The following TSPYL5 variants were observed in gnomAD, a reference collection of about 807,000 sequenced individuals.
TSPYL5 encodes the protein testis-specific Y-encoded-like protein 5.
For synonymous variants in TSPYL5, 276 were observed against 236.1 expected (o/e 1.17, Z -1.55); for missense variants, 556 against 555.5 (o/e 1.00, Z -0.01).
chr8:97,277,729 G>T lies in TSPYL5; in HGVS notation c.116C>A (p.Ser39Ter). 6.4e-7 allele frequency: 1 copy of T among 1,563,180 alleles called. No individual in the cohort carries two copies. The highest frequency in any genetic ancestry group is 8.6e-7 in the Non-Finnish European group (1 of 1,158,302). ...GTCTTCCCCGAGACTCTGGTACTGT[G>T]AAGGGTCCGGGTCGCGCGGGGCGTC... is the stretch of plus-strand genomic sequence containing the variant. ...PDDAPRDPDPSQYQSLGEDTQ... is the reference protein window; with the variant it reads ...PDDAPRDPDP The change falls in exon 1 of 1, where the codon TCA becomes TAA. Residue 39 changes from serine (S) to a stop codon, truncating the protein, a stop_gained. Coordinates refer to ENST00000322128, the MANE Select transcript of TSPYL5 (RefSeq NM_033512.3). LOFTEE classifies it low-confidence loss of function (END_TRUNC). The surrounding 1 kb of genome is among the most constrained non-coding windows in gnomAD (Gnocchi z 4.5).
rs1810513149 is a variant in TSPYL5 at position 97,276,310 on chromosome 8, G to T, written c.*281C>A. ...GACAAGTAGGAAAGGCCAGAGCCAAGAACAAGGTCCAGGCAATGTAGATAA... is the reference window on the plus strand; with the variant it reads ...GACAAGTAGGAAAGGCCAGAGCCAATAACAAGGTCCAGGCAATGTAGATAA... On this transcript the variant is annotated 3_prime_UTR_variant, in exon 1 of 1. Transcript: ENST00000322128. 1 of 373,738 alleles carries T rather than the reference G, an allele frequency of 2.7e-6. No homozygotes were observed. 23.2% of individuals were successfully genotyped at this position (373,738 alleles called of 1,614,324 possible). A position where few individuals can be genotyped will look rare whatever the true frequency, so the allele number is the denominator to read the frequency against.
Position 97,276,619 on chromosome 8 carries a change from G to C in TSPYL5, c.1226C>G (p.Thr409Ser), listed in dbSNP as rs1300789283. 6.2e-7 allele frequency: 1 copy of C among 1,613,900 alleles called. No individual in the cohort carries two copies. Among genetic ancestry groups the C allele is most frequent in the African/African-American group, 1.3e-5 (1 of 74,924 alleles). Residue 409 changes from threonine (T) to serine (S), a missense_variant, in exon 1 of 1, where the codon ACT becomes AGT. By Grantham distance (58) the Thr-to-Ser change is moderately conservative. Transcript: ENST00000322128. ...GTTGGATTGGCTCACCCCAGGCTGA[G>C]TAGTCTCCATTGGCTGCTTTCCTGG... ...QGPGKQPMET[T>S]QPGVSQSN
In TSPYL5 at chr8:97,277,715, G is replaced by A; in HGVS notation, c.130C>T (p.Leu44Phe). Residue 44 changes from leucine (L) to phenylalanine (F), a missense_variant, in exon 1 of 1, where the codon CTC (leucine) becomes TTC (phenylalanine). Physicochemically the swap from Leu to Phe is conservative, Grantham distance 22. Transcript: ENST00000322128. This position sits in a 1 kb window ranked among gnomAD's most constrained non-coding sequence, Gnocchi z 4.5. Reference sequence around the variant, plus strand: ...TGTGCCGCCTGGGTGTCTTCCCCGAGACTCTGGTACTGTGAAGGGTCCGGG... The same window carrying A: ...TGTGCCGCCTGGGTGTCTTCCCCGAAACTCTGGTACTGTGAAGGGTCCGGG... ...RDPDPSQYQS[L>F]GEDTQAAQVQ... is the part of the protein sequence containing the mutation. 6.4e-7 allele frequency: 1 copy of A among 1,562,098 alleles called. No individual in the cohort carries two copies. Among genetic ancestry groups the A allele is most frequent in the Non-Finnish European group, 8.6e-7 (1 of 1,157,862 alleles).
rs1423406864 is a variant in TSPYL5 at position 97,277,420 on chromosome 8, C to CG, written c.424dup (p.Arg142ProfsTer13). The CG allele has an allele frequency of 6.4e-7, 1 of 1,557,740 alleles. No individual in the cohort carries two copies. Among genetic ancestry groups the CG allele is most frequent in the Non-Finnish European group, 8.7e-7 (1 of 1,156,032 alleles). Reference sequence around the variant, plus strand: ...TGGGGCCTTCTTCCCGGCAGGGCCACGCCGGTTTCCAACGCGGGGGGCATT... The same window carrying CG: ...TGGGGCCTTCTTCCCGGCAGGGCCACGGCCGGTTTCCAACGCGGGGGGCATT... On this transcript the variant is annotated frameshift_variant, in exon 1 of 1. Transcript: ENST00000322128. LOFTEE classifies it low-confidence loss of function (END_TRUNC). The surrounding 1 kb of genome is among the most constrained non-coding windows in gnomAD (Gnocchi z 4.5).
In TSPYL5 at chr8:97,274,310, T is replaced by A. The variant is rs953497581; in HGVS notation, c.*2281A>T. 1.3e-5 allele frequency: 2 copies of A among 152,146 alleles called. No homozygotes were observed. Among genetic ancestry groups the A allele is most frequent in the Admixed American group, 6.5e-5 (1 of 15,274 alleles). 9.4% of individuals were successfully genotyped at this position (152,146 alleles called of 1,614,324 possible). A position where few individuals can be genotyped will look rare whatever the true frequency, so the allele number is the denominator to read the frequency against. Reference sequence around the variant, plus strand: ...ACTAAAATGGGGAAAGTCGTAAGACTTTAAAGGCAAAATGTGCAGCATATA... The same window carrying A: ...ACTAAAATGGGGAAAGTCGTAAGACATTAAAGGCAAAATGTGCAGCATATA... On this transcript the variant is annotated 3_prime_UTR_variant, in exon 1 of 1. Coordinates refer to ENST00000322128, the MANE Select transcript of TSPYL5 (RefSeq NM_033512.3).
Position 97,277,624 on chromosome 8 carries a change from C to T in TSPYL5, c.221G>A (p.Gly74Glu). 5 of 1,440,658 alleles carry T rather than the reference C, an allele frequency of 3.5e-6. No homozygotes were observed. Among genetic ancestry groups the T allele is most frequent in the Non-Finnish European group, 4.6e-6 (5 of 1,098,838 alleles). 89.2% of individuals were successfully genotyped at this position (1,440,658 alleles called of 1,614,324 possible). A position where few individuals can be genotyped will look rare whatever the true frequency, so the allele number is the denominator to read the frequency against. ...GGGGAGCCGGCAGGCGGCCTCCTCC[C>T]CGAGCCGGAGGAGCTGCGCGGACGC... ...AAASAQLLRL[G>E]EEAACRLPLD... Residue 74 changes from glycine (G) to glutamate (E), a missense_variant, in exon 1 of 1, where the codon GGG (glycine) becomes GAG (glutamate). Coordinates refer to ENST00000322128, the MANE Select transcript of TSPYL5 (RefSeq NM_033512.3). The surrounding 1 kb of genome is among the most constrained non-coding windows in gnomAD (Gnocchi z 4.5).
Position 97,276,665 on chromosome 8 carries a change from C to G in TSPYL5, c.1180G>C (p.Glu394Gln). 1 of 1,614,082 alleles carries G rather than the reference C, an allele frequency of 6.2e-7. No individual in the cohort carries two copies. The highest frequency in any genetic ancestry group is 8.5e-7 in the Non-Finnish European group (1 of 1,180,018). Reference sequence around the variant, plus strand: ...CCTGGACCTTGCCTGCCTTCTTTTTCCTTTCCTTTCTCTACACGAGCCCCT... The same window carrying G: ...CCTGGACCTTGCCTGCCTTCTTTTTGCTTTCCTTTCTCTACACGAGCCCCT... ...SEGARVEKGK[E>Q]KEGRQGPGKQ... The change falls in exon 1 of 1, where the codon GAA becomes CAA. Residue 394 changes from glutamate to glutamine, a missense_variant. By Grantham distance (29) the Glu-to-Gln change is conservative. Coordinates refer to ENST00000322128, the MANE Select transcript of TSPYL5 (RefSeq NM_033512.3).
chr8:97,274,630 T>G lies in TSPYL5; in HGVS notation c.*1961A>C, dbSNP rs1001911314. On this transcript the variant is annotated 3_prime_UTR_variant, in exon 1 of 1. Coordinates refer to ENST00000322128, the MANE Select transcript of TSPYL5 (RefSeq NM_033512.3). ...TTTGCAGGCCCACTCCATACCAGTA[T>G]CATGCCTACTCGACGGTTTTGCTCC... The G allele has an allele frequency of 2.0e-5, 3 of 152,174 alleles. No homozygotes were observed. Among genetic ancestry groups the G allele is most frequent in the Non-Finnish European group, 4.4e-5 (3 of 68,060 alleles). 9.4% of individuals were successfully genotyped at this position (152,174 alleles called of 1,614,324 possible).
At position 97,277,563 on chromosome 8, in the gene TSPYL5, C is replaced by A; in HGVS notation, c.282G>T (p.Ala94=). 3 of 1,469,170 alleles carry A rather than the reference C, an allele frequency of 2.0e-6. No individual in the cohort carries two copies. Among genetic ancestry groups the A allele is most frequent in the Non-Finnish European group, 2.7e-6 (3 of 1,113,488 alleles). The allele number at this position is 1,469,170 out of a possible 1,614,324, so 91.0% of individuals were successfully genotyped here. ...DCGLALRARA[A]GDHGQAAARP... is the part of the protein sequence containing the mutation. ...TGGCCGCGGCCTGCCCGTGGTCCCC[C>A]GCAGCTCGGGCCCGCAGCGCGAGGC... Residue 94 remains alanine (A), a synonymous_variant, in exon 1 of 1, where the codon GCG becomes GCT. Coordinates refer to ENST00000322128, the MANE Select transcript of TSPYL5 (RefSeq NM_033512.3). This position sits in a 1 kb window ranked among gnomAD's most constrained non-coding sequence, Gnocchi z 4.5.
chr8:97,275,168 G>C lies in TSPYL5; in HGVS notation c.*1423C>G, dbSNP rs1810493213. On this transcript the variant is annotated 3_prime_UTR_variant, in exon 1 of 1. Coordinates refer to ENST00000322128, the MANE Select transcript of TSPYL5 (RefSeq NM_033512.3). ...GGCATGAAAAGGATTTTCAACTTCA[G>C]AACTGTAGAGCAAGCGCAGGAGACA... 1.3e-5 allele frequency: 2 copies of C among 152,100 alleles called. No individual in the cohort carries two copies. Among genetic ancestry groups the C allele is most frequent in the South Asian group, 4.1e-4 (2 of 4,828 alleles). 9.4% of individuals were successfully genotyped at this position (152,100 alleles called of 1,614,324 possible). A position where few individuals can be genotyped will look rare whatever the true frequency, so the allele number is the denominator to read the frequency against.
chr8:97,277,125 G>A lies in TSPYL5; in HGVS notation c.720C>T (p.Arg240=), dbSNP rs763245158. The A allele has an allele frequency of 2.5e-6, 4 of 1,610,708 alleles. No individual in the cohort carries two copies. Among genetic ancestry groups the A allele is most frequent in the Non-Finnish European group, 3.4e-6 (4 of 1,180,024 alleles). Residue 240 remains arginine (R), a synonymous_variant, in exon 1 of 1, where the codon CGC becomes CGT. Coordinates refer to ENST00000322128, the MANE Select transcript of TSPYL5 (RefSeq NM_033512.3). The surrounding 1 kb of genome is among the most constrained non-coding windows in gnomAD (Gnocchi z 4.5). ...FGQLRLQHLE[R]RNHLIQNIPG... ...GGATATTTTGGATGAGGTGGTTCCT[G>A]CGCTCCAAGTGCTGCAGTCGCAACT...
At position 97,277,462 on chromosome 8, in the gene TSPYL5, G is replaced by A. The variant is rs1191948193; in HGVS notation, c.383C>T (p.Thr128Ile). The part of the protein sequence containing the change: ...ADTVFVGTAG[T>I]VGRPKNAPRV... ...GGGGGCATTTTTCGGCCTTCCCACG[G>A]TTCCCGCTGTTCCCACGAAGACAGT... Residue 128 changes from threonine to isoleucine, a missense_variant, in exon 1 of 1, where the codon ACC (threonine) becomes ATC (isoleucine). Transcript: ENST00000322128. This position sits in a 1 kb window ranked among gnomAD's most constrained non-coding sequence, Gnocchi z 4.5. The A allele has an allele frequency of 9.1e-6, 14 of 1,533,284 alleles. No individual in the cohort carries two copies. Among genetic ancestry groups the A allele is most frequent in the Admixed American group, 4.3e-5 (2 of 46,410 alleles). The allele number at this position is 1,533,284 out of a possible 1,614,324, so 95.0% of individuals were successfully genotyped here.
Position 97,277,130 on chromosome 8 carries a change from C to G in TSPYL5, c.715G>C (p.Glu239Gln), listed in dbSNP as rs774514766. Reference protein sequence around the residue: ...KFGQLRLQHLERRNHLIQNIP... With the variant: ...KFGQLRLQHLQRRNHLIQNIP... Reference sequence around the variant, plus strand: ...TTTTGGATGAGGTGGTTCCTGCGCTCCAAGTGCTGCAGTCGCAACTGCCCA... The same window carrying G: ...TTTTGGATGAGGTGGTTCCTGCGCTGCAAGTGCTGCAGTCGCAACTGCCCA... The change falls in exon 1 of 1, where the codon GAG becomes CAG. Residue 239 changes from glutamate (E) to glutamine (Q), a missense_variant. By Grantham distance (29) the Glu-to-Gln change is conservative (BLOSUM62 2). Transcript: ENST00000322128. The surrounding 1 kb of genome is among the most constrained non-coding windows in gnomAD (Gnocchi z 4.5). The G allele has an allele frequency of 7.5e-6, 12 of 1,610,522 alleles. No homozygotes were observed. Among genetic ancestry groups the G allele is most frequent in the African/African-American group, 1.3e-5 (1 of 74,926 alleles).
In TSPYL5 at chr8:97,274,300, G is replaced by A. The variant is rs375400217; in HGVS notation, c.*2291C>T. 32 of 151,912 alleles carry A rather than the reference G, an allele frequency of 2.1e-4. No individual in the cohort carries two copies. Among genetic ancestry groups the A allele is most frequent in the African/African-American group, 5.8e-4 (24 of 41,348 alleles). 9.4% of individuals were successfully genotyped at this position (151,912 alleles called of 1,614,324 possible). A position where few individuals can be genotyped will look rare whatever the true frequency, so the allele number is the denominator to read the frequency against. On this transcript the variant is annotated 3_prime_UTR_variant, in exon 1 of 1. Coordinates refer to ENST00000322128, the MANE Select transcript of TSPYL5 (RefSeq NM_033512.3). ...TTCCCATTAGACTAAAATGGGGAAA[G>A]TCGTAAGACTTTAAAGGCAAAATGT...
In TSPYL5 at chr8:97,277,917, G is replaced by T. The variant is rs1420295455; in HGVS notation, c.-73C>A. The T allele has an allele frequency of 2.5e-5, 33 of 1,307,200 alleles. No individual in the cohort carries two copies. Among genetic ancestry groups the T allele is most frequent in the Non-Finnish European group, 3.1e-5 (32 of 1,027,588 alleles). 81.0% of individuals were successfully genotyped at this position (1,307,200 alleles called of 1,614,324 possible). A position where few individuals can be genotyped will look rare whatever the true frequency, so the allele number is the denominator to read the frequency against. ...CTGACGCCAGCTCTCGGTCGGGACC[G>T]AGCGGGTCTCTCCACGGCAACCGCC... On this transcript the variant is annotated 5_prime_UTR_variant, in exon 1 of 1. Transcript: ENST00000322128. This position sits in a 1 kb window ranked among gnomAD's most constrained non-coding sequence, Gnocchi z 4.5.
Position 97,276,365 on chromosome 8 carries a change from T to C in TSPYL5, c.*226A>G. ...GAGCACACATCTAAAGTATGTGTGCTTAACATATGAACAGTCCGGGTGCGA... is the reference window on the plus strand; with the variant it reads ...GAGCACACATCTAAAGTATGTGTGCCTAACATATGAACAGTCCGGGTGCGA... On this transcript the variant is annotated 3_prime_UTR_variant, in exon 1 of 1. Transcript: ENST00000322128. 57 of 571,620 alleles carry C rather than the reference T, an allele frequency of 1.0e-4. 1 individual carries two copies. In the South Asian group the frequency reaches 1.4e-3, roughly 14 times the overall value. 35.4% of individuals were successfully genotyped at this position (571,620 alleles called of 1,614,324 possible).
Position 97,276,182 on chromosome 8 carries a change from G to C in TSPYL5, c.*409C>G, listed in dbSNP as rs1810510630. 1.1e-5 allele frequency: 2 copies of C among 187,582 alleles called. No individual in the cohort carries two copies. Among genetic ancestry groups the C allele is most frequent in the Non-Finnish European group, 1.1e-5 (1 of 90,590 alleles). 11.6% of individuals were successfully genotyped at this position (187,582 alleles called of 1,614,324 possible). The stretch of plus-strand genomic sequence containing the variant: ...AACGCTTGCATAGATGACATGCATG[G>C]CCAGCATGAACACGAAGCCCAGCAA... On this transcript the variant is annotated 3_prime_UTR_variant, in exon 1 of 1. Coordinates refer to ENST00000322128, the MANE Select transcript of TSPYL5 (RefSeq NM_033512.3).
chr8:97,275,016 G>T lies in TSPYL5; in HGVS notation c.*1575C>A, dbSNP rs1266613441. On this transcript the variant is annotated 3_prime_UTR_variant, in exon 1 of 1. Transcript: ENST00000322128. ...GGGATTGAGGTCCAGATGGCCAGAG[G>T]CTACCACAAAGGAGGAAACAGCAGG... 6.5e-6 allele frequency: 1 copy of T among 152,820 alleles called. No individual in the cohort carries two copies. The highest frequency in any genetic ancestry group is 2.4e-5 in the African/African-American group (1 of 41,432). 9.5% of individuals were successfully genotyped at this position (152,820 alleles called of 1,614,324 possible). A position where few individuals can be genotyped will look rare whatever the true frequency, so the allele number is the denominator to read the frequency against.
chr8:97,276,465 A>G lies in TSPYL5; in HGVS notation c.*126T>C, dbSNP rs1250669947. The stretch of plus-strand genomic sequence containing the variant: ...AAAAGAACATGATCATAAATGCCAT[A>G]TTCTTGTAACTAAAGTCCAAAGGGT... On this transcript the variant is annotated 3_prime_UTR_variant, in exon 1 of 1. Coordinates refer to ENST00000322128, the MANE Select transcript of TSPYL5 (RefSeq NM_033512.3). The G allele has an allele frequency of 1.7e-6, 2 of 1,208,448 alleles. No homozygotes were observed. Among genetic ancestry groups the G allele is most frequent in the African/African-American group, 3.1e-5 (2 of 65,486 alleles). 74.9% of individuals were successfully genotyped at this position (1,208,448 alleles called of 1,614,324 possible). A position where few individuals can be genotyped will look rare whatever the true frequency, so the allele number is the denominator to read the frequency against.
Sources: gnomAD v4.1 joint callset for allele counts on GRCh38, gnomAD v4.1.1 for gene constraint, Gnocchi (gnomAD v3.1) non-coding constraint, MANE v1.5 for transcripts, NCBI Gene and HGNC (gene_info 2026-07-23, HGNC 2026-07-21) for gene names.